The following KHDRBS2 variants were observed in gnomAD, a reference collection of about 807,000 sequenced individuals.
The protein encoded by KHDRBS2 is KH domain-containing, RNA-binding, signal transduction-associated protein 2.
Under a neutral mutation model 44.3 loss-of-function variants are expected in KHDRBS2, and 26 were observed. The ratio of observed to expected loss-of-function variants is 0.59; its 90% confidence interval spans 0.43 to 0.81. KHDRBS2 has a LOEUF of 0.81. KHDRBS2 is among the 40% of genes least tolerant of loss of function. KHDRBS2 has a pLI of 0.00. For missense variants in KHDRBS2, 476 were observed against 433.1 expected (o/e 1.10, Z -0.88); for synonymous variants, 194 against 151.1 (o/e 1.28, Z -2.08).
chr6:62,006,620 C>T (rs1263703672), intron 3 of KHDRBS2, among the ~76,000 whole-genome samples: 2 of 151,948 alleles, frequency 1.3e-5, no homozygotes, highest in Non-Finnish European at 2.9e-5. Context: ...ATCTTCAATT[C>T]TTCTATTGCT....
chr6:61,925,638 A>G (rs1432643570), intron 4 of KHDRBS2, among the ~76,000 whole-genome samples: 1 of 151,516 alleles, frequency 6.6e-6, no homozygotes, highest in Non-Finnish European at 1.5e-5. Flanking sequence ...GGGAGGATCG[A>G]TTAAGCCTGG....
intron 3 of KHDRBS2, among the ~76,000 whole-genome samples, chr6:62,011,407 T>TATTCAC (rs2127269618): frequency 6.6e-6 from 1 of 152,082 alleles, no homozygotes; most frequent in African/African-American, 2.4e-5. Flanking sequence ...ATGTGAAAAA[T>TATTCAC]ATTCACATTA....
intron 3 of KHDRBS2, among the ~76,000 whole-genome samples, chr6:62,032,910 C>T (rs1389882383): frequency 6.6e-6 from 1 of 151,776 alleles, no homozygotes; most frequent in Non-Finnish European, 1.5e-5. Flanking sequence ...AGATATGTGA[C>T]CTTTCAGACA....
intron 3 of KHDRBS2, among the ~76,000 whole-genome samples, chr6:62,008,660 G>GATGATT (rs1433956981): frequency 2.0e-5 from 3 of 152,140 alleles, no homozygotes; most frequent in Non-Finnish European, 4.4e-5. Context: ...TGTTGTGGGA[G>GATGATT]GAACCCCATG....
chr6:62,005,998 T>C (rs1271317996), intron 3 of KHDRBS2, among the ~76,000 whole-genome samples: 3 of 151,900 alleles, frequency 2.0e-5, no homozygotes, highest in Non-Finnish European at 2.9e-5. Context: ...GAATATGCAA[T>C]AAGACTGTTT....
chr6:62,040,610 A>C (rs1015740874), intron 3 of KHDRBS2, among the ~76,000 whole-genome samples: 1 of 152,078 alleles, frequency 6.6e-6, no homozygotes, highest in Non-Finnish European at 1.5e-5. Flanking sequence ...TAAAGCCTGC[A>C]CTAAGATGAC....
chr6:61,684,715 C>T (rs898086579), intron 8 of KHDRBS2, among the ~76,000 whole-genome samples: 1 of 151,614 alleles, frequency 6.6e-6, no homozygotes, highest in Admixed American at 6.6e-5. Flanking sequence ...ATAACAAATT[C>T]CTCCTCAAAA....
At chr6:62,105,225 A>T (rs3846823) in intron 2 of KHDRBS2, among the ~76,000 whole-genome samples, 70,767 of 152,008 alleles carry the variant, frequency 0.47, 17,676 homozygotes, top group Non-Finnish European at 0.55. Flanking sequence ...ATTCTACACC[A>T]ATTCTTCCAA....
At chr6:62,191,906 C>T (rs756169040) in intron 1 of KHDRBS2, among the ~76,000 whole-genome samples, 1 of 151,888 alleles carries the variant, frequency 6.6e-6, no homozygotes, top group Non-Finnish European at 1.5e-5. Flanking sequence ...AGAGGTGACA[C>T]AAATTTAAAA....
At chr6:62,186,396 G>C (rs959468346) in intron 1 of KHDRBS2, among the ~76,000 whole-genome samples, 2 of 151,978 alleles carry the variant, frequency 1.3e-5, no homozygotes, top group African/African-American at 4.8e-5. Flanking sequence ...CTGGACATGA[G>C]ACTTCACTGA....
chr6:62,044,971 A>AT (rs1787364632), intron 3 of KHDRBS2, among the ~76,000 whole-genome samples: 2 of 152,186 alleles, frequency 1.3e-5, no homozygotes, highest in East Asian at 3.9e-4. Context: ...ATCCACATTG[A>AT]CATGTTGAGT....
chr6:62,283,299 C>A (rs1842047625), intron 1 of KHDRBS2, among the ~76,000 whole-genome samples: 1 of 151,942 alleles, frequency 6.6e-6, no homozygotes. Context: ...CCCCAAAAAC[C>A]CCAAATAAAC....
At chr6:61,981,226 C>G (rs1773777649) in intron 3 of KHDRBS2, among the ~76,000 whole-genome samples, 1 of 152,106 alleles carries the variant, frequency 6.6e-6, no homozygotes, top group South Asian at 2.1e-4. Flanking sequence ...AAATGTATAT[C>G]AAAAGATTAC....
At chr6:62,026,181 T>C (rs1391236269) in intron 3 of KHDRBS2, among the ~76,000 whole-genome samples, 3 of 151,652 alleles carry the variant, frequency 2.0e-5, no homozygotes, top group African/African-American at 4.8e-5. Context: ...CTTATATTAA[T>C]ATTTATACTT....
chr6:62,234,166 C>G (rs1298716616), intron 1 of KHDRBS2, among the ~76,000 whole-genome samples: 2 of 151,946 alleles, frequency 1.3e-5, no homozygotes, highest in Non-Finnish European at 2.9e-5. Flanking sequence ...AAAACAGCAC[C>G]CTTCTATGCT....
chr6:62,202,458 G>A (rs570772748), intron 1 of KHDRBS2, among the ~76,000 whole-genome samples: 3 of 152,038 alleles, frequency 2.0e-5, no homozygotes, highest in South Asian at 2.1e-4. Flanking sequence ...GCAATCATAA[G>A]ACAAAAGTAT....
At chr6:61,798,926 A>G in intron 6 of KHDRBS2, among the ~76,000 whole-genome samples, 1 of 152,026 alleles carries the variant, frequency 6.6e-6, no homozygotes, top group East Asian at 1.9e-4. Context: ...AAATGAAAGG[A>G]AAATTAAAAG....
intron 3 of KHDRBS2, among the ~76,000 whole-genome samples, chr6:62,033,750 G>A (rs983305121): frequency 2.6e-5 from 4 of 151,346 alleles, no homozygotes; most frequent in African/African-American, 9.7e-5. Context: ...CAAAAGGAAG[G>A]CTGAGGCAGG....
intron 2 of KHDRBS2, among the ~76,000 whole-genome samples, chr6:62,145,722 G>C (rs1813790068): frequency 6.6e-6 from 1 of 151,818 alleles, no homozygotes; most frequent in African/African-American, 2.4e-5. Context: ...AACACAGATG[G>C]AGCATCTGTG....
Sources: gnomAD v4.1 joint callset for allele counts (sites outside exome capture counted in the v4.1 genomes callset) on GRCh38, gnomAD v4.1.1 for gene constraint, MANE v1.5 for transcripts, NCBI Gene and HGNC (gene_info 2026-07-23, HGNC 2026-07-21) for gene names.